FGD6: variants seen among roughly 807,000 people sequenced by gnomAD.
FGD6 encodes FYVE, RhoGEF and PH domain-containing protein 6.
Under a neutral mutation model 149.4 loss-of-function variants are expected in FGD6, and 90 were observed. That is an observed-to-expected ratio of 0.60 (90% confidence interval 0.51 to 0.72). FGD6 has a LOEUF of 0.72. FGD6 is among the 30% of genes least tolerant of loss of function. The pLI is 0.00. For missense variants in FGD6, 1,437 were observed against 1,684.8 expected (o/e 0.85, Z 2.57); for synonymous variants, 527 against 584.0 (o/e 0.90, Z 1.41).
At chr12:95,081,803 G>A (rs1242526061) in intron 20 of FGD6, among the ~76,000 whole-genome samples, 1 of 151,070 alleles carries the variant, frequency 6.6e-6, no homozygotes, top group Non-Finnish European at 1.5e-5. Flanking sequence ...CTCCCAAGTA[G>A]CTCGAATTAC....
At chr12:95,187,694 T>C (rs1415982266) in intron 2 of FGD6, among the ~76,000 whole-genome samples, 1 of 150,928 alleles carries the variant, frequency 6.6e-6, no homozygotes, top group Non-Finnish European at 1.5e-5. Flanking sequence ...AGAGAGGAGC[T>C]TCTGCATTAT....
chr12:95,119,236 TA>T (rs1470258488), intron 8 of FGD6, among the ~76,000 whole-genome samples: 1 of 152,146 alleles, frequency 6.6e-6, no homozygotes, highest in East Asian at 1.9e-4. Flanking sequence ...ATAAAATAAC[TA>T]GGCTGAACCA....
At chr12:95,126,488 G>A in intron 8 of FGD6, 1 of 587,566 alleles carries the variant, frequency 1.7e-6, no homozygotes, top group South Asian at 2.7e-5. Context: ...CAGTACCGTG[G>A]GAGGCTGAGG....
At chr12:95,179,971 G>C (rs994411039) in intron 2 of FGD6, among the ~76,000 whole-genome samples, 1 of 151,826 alleles carries the variant, frequency 6.6e-6, no homozygotes, top group African/African-American at 2.4e-5. Context: ...CCAGCTACAC[G>C]GGAGGCTGAG....
At chr12:95,214,623 A>C (rs2056743571) in intron 1 of FGD6, among the ~76,000 whole-genome samples, 1 of 152,238 alleles carries the variant, frequency 6.6e-6, no homozygotes, top group African/African-American at 2.4e-5. Flanking sequence ...TTATTTACAC[A>C]GCTGTTTGGC....
intron 2 of FGD6, among the ~76,000 whole-genome samples, chr12:95,188,240 A>G (rs1260812188): frequency 1.3e-5 from 2 of 152,238 alleles, no homozygotes; most frequent in African/African-American, 4.8e-5. Flanking sequence ...ATTTCAAAAC[A>G]GTGATCACTT....
chr12:95,102,203 G>A (rs1285789301), intron 14 of FGD6, among the ~76,000 whole-genome samples: 2 of 151,852 alleles, frequency 1.3e-5, no homozygotes, highest in African/African-American at 4.8e-5. Flanking sequence ...CAGCACTTTG[G>A]GAGGGTGAGG....
intron 1 of FGD6, among the ~76,000 whole-genome samples, chr12:95,214,638 G>A (rs1336380231): frequency 6.6e-6 from 1 of 152,074 alleles, no homozygotes; most frequent in Non-Finnish European, 1.5e-5. Context: ...TTTGGCTCCA[G>A]GGAAATATAA....
intron 3 of FGD6, among the ~76,000 whole-genome samples, chr12:95,164,490 C>T (rs1009354731): frequency 6.6e-6 from 1 of 151,806 alleles, no homozygotes; most frequent in African/African-American, 2.4e-5. Context: ...ACTGCAGTGG[C>T]GGGAATCTCA....
At chr12:95,189,547 A>G (rs1201042611) in intron 2 of FGD6, 1 of 151,662 alleles carries the variant, frequency 6.6e-6, no homozygotes, top group Non-Finnish European at 1.5e-5. Context: ...ACTTGGGAAG[A>G]TGAAGTGGGA....
intron 1 of FGD6, 47 bp downstream of exon 1, chr12:95,217,178 G>C (rs202012321): frequency 6.2e-7 from 1 of 1,611,430 alleles, no homozygotes; most frequent in Non-Finnish European, 8.5e-7. Context: ...AAGCCTAGCA[G>C]CGCTCGCCAC....
chr12:95,171,304 C>T (rs1022541993), intron 3 of FGD6, among the ~76,000 whole-genome samples: 2 of 152,148 alleles, frequency 1.3e-5, no homozygotes, highest in Non-Finnish European at 2.9e-5. Flanking sequence ...AATTATGGCA[C>T]AGGAATTAGG....
Position 95,209,447 on chromosome 12 carries a change from T to G in FGD6, c.1837A>C (p.Lys613Gln), listed in dbSNP as rs758372859. 7.2e-5 allele frequency: 116 copies of G among 1,612,420 alleles called. No homozygotes were observed. The highest frequency in any genetic ancestry group is 3.3e-4 in the Admixed American group (20 of 59,780). Residue 613 changes from lysine to glutamine, a missense_variant, in exon 2 of 21, where the codon AAG becomes CAG. By Grantham distance (53) the Lys-to-Gln change is moderately conservative. This residue lies in a region of FGD6 where 1,055 missense variants were observed against 1,146.0 expected (regional missense o/e 0.92). Coordinates refer to ENST00000343958, the MANE Select transcript of FGD6 (RefSeq NM_018351.4). ...GAGTCTTTGCAAGGCTTAGTGCACT[T>G]TTCCACATCCATAGCAGATAACGAT... ...AKSLSAMDVE[K>Q]CTKPCKDSTK... is the part of the protein sequence containing the mutation.
rs570464502 is a variant in FGD6, at chr12:95,113,722, G to A, written c.3083-21C>T. On this transcript the variant is annotated intron_variant, in intron 8 of 20. Transcript: ENST00000343958. ...ATAATCTAGAAAAGAAGAAAAAAAA[G>A]TATTTAAGTACAATAAACCAGTGAG... 8.7e-6 allele frequency: 13 copies of A among 1,494,658 alleles called. No homozygotes were observed. The African/African-American group carries it at 1.5e-4, about 18-fold the overall frequency. The allele number at this position is 1,494,658 out of a possible 1,614,324, so 92.6% of individuals were successfully genotyped here.
intron 9 of FGD6, among the ~76,000 whole-genome samples, chr12:95,109,637 C>T (rs534968294): frequency 6.6e-6 from 1 of 152,106 alleles, no homozygotes; most frequent in African/African-American, 2.4e-5. Flanking sequence ...CTGAGGTGGG[C>T]GGATCATTTG....
intron 18 of FGD6, 121 bp from the exon 19 acceptor site, chr12:95,086,029 T>C (rs1877853398): frequency 9.6e-7 from 1 of 1,040,206 alleles, no homozygotes; most frequent in African/African-American, 1.6e-5. Context: ...CAGAATGAAA[T>C]ATATTTTCAA....
chr12:95,181,778 T>A (rs1245810861), intron 2 of FGD6, among the ~76,000 whole-genome samples: 2 of 151,848 alleles, frequency 1.3e-5, no homozygotes, highest in African/African-American at 4.8e-5. Flanking sequence ...GCAGTGAAAC[T>A]CCATCTCTAC....
intron 7 of FGD6, among the ~76,000 whole-genome samples, chr12:95,136,802 G>C (rs1028474058): frequency 3.3e-5 from 5 of 152,214 alleles, no homozygotes; most frequent in African/African-American, 1.2e-4. Context: ...GGAGGGAAGA[G>C]AGAATAGAGT....
At position 95,081,059 on chromosome 12, in the gene FGD6, T is replaced by G. The variant is rs2136228433; in HGVS notation, c.*461A>C. ...GTTTATTGATTCAAAGACATGCATT[T>G]TTTTCATCAGCAGTTTTATAATAAT... On this transcript the variant is annotated 3_prime_UTR_variant, in exon 21 of 21. Transcript: ENST00000343958. The G allele has an allele frequency of 6.6e-6, 1 of 152,380 alleles. No homozygotes were observed. The highest frequency in any genetic ancestry group is 2.4e-5 in the African/African-American group (1 of 41,582). 9.4% of individuals were successfully genotyped at this position (152,380 alleles called of 1,614,324 possible).
Sources: gnomAD v4.1 joint callset for allele counts (sites outside exome capture counted in the v4.1 genomes callset) on GRCh38, gnomAD v4.1.1 for gene constraint, gnomAD v4.1.1 regional missense constraint, MANE v1.5 for transcripts, NCBI Gene and HGNC (gene_info 2026-07-23, HGNC 2026-07-21) for gene names.